Variants in NBPF8 observed in about 807,000 individuals in gnomAD.
NBPF8 encodes the protein NBPF family member NBPF8.
chr1:120,468,027 C>T (rs1459376307), downstream of NBPF8, among the ~76,000 whole-genome samples: 4 of 151,486 alleles, frequency 2.6e-5, no homozygotes, highest in Non-Finnish European at 4.4e-5. Context: ...TTAAATATTG[C>T]ACTAAAAATG....
chr1:120,415,416 G>T (rs1167781843), upstream of NBPF8, among the ~76,000 whole-genome samples: 1 of 152,042 alleles, frequency 6.6e-6, no homozygotes, highest in African/African-American at 2.4e-5. Context: ...CGTGTGTTCC[G>T]GCCCCGCCGG....
chr1:120,469,479 G>C (rs1214293264), downstream of NBPF8, among the ~76,000 whole-genome samples: 22 of 143,436 alleles, frequency 1.5e-4, no homozygotes, highest in Non-Finnish European at 2.9e-4. Context: ...CCTGGTGCTC[G>C]GTCACAGTGA....
chr1:120,435,923 A>G (rs1661061540), upstream of NBPF8, among the ~76,000 whole-genome samples: 1 of 151,378 alleles, frequency 6.6e-6, no homozygotes, highest in Admixed American at 6.6e-5. Flanking sequence ...TTTTTTATTT[A>G]TGACTTCATG....
At chr1:120,460,160 G>T (rs1190047380) in intron 17 of NBPF8, among the ~76,000 whole-genome samples, 2 of 152,114 alleles carry the variant, frequency 1.3e-5, no homozygotes, top group African/African-American at 4.8e-5. Context: ...CTCAAGAGCT[G>T]GTACATTGCA....
At chr1:120,431,388 A>AGGG (rs1660873509), upstream of NBPF8, among the ~76,000 whole-genome samples, 10 of 71,894 alleles carry the variant, frequency 1.4e-4, no homozygotes, top group African/African-American at 5.9e-4. Flanking sequence ...ATATATATAT[A>AGGG]TATATATATA....
intron 3 of NBPF8, among the ~76,000 whole-genome samples, chr1:120,429,466 C>G (rs1395916874): frequency 6.6e-5 from 10 of 152,176 alleles, no homozygotes; most frequent in Middle Eastern, 3.2e-3. Context: ...TGGATTTGCC[C>G]TCCCTGCTGT....
Position 120,464,400 on chromosome 1 carries a change from A to G in NBPF8, n.3311A>G, listed in dbSNP as rs2101701057. 5.3e-6 allele frequency: 4 copies of G among 749,534 alleles called. No homozygotes were observed. The East Asian group carries it at 1.0e-4, about 19-fold the overall frequency. 46.4% of individuals were successfully genotyped at this position (749,534 alleles called of 1,614,324 possible). A position where few individuals can be genotyped will look rare whatever the true frequency, so the allele number is the denominator to read the frequency against. ...GGCTCAGCAGGGAGCTGCTGGAGGTAGTAGAGCCTGAAGTCTTGCAGGACT... is the reference window on the plus strand; with the variant it reads ...GGCTCAGCAGGGAGCTGCTGGAGGTGGTAGAGCCTGAAGTCTTGCAGGACT... On this transcript the variant is annotated non_coding_transcript_exon_variant, in exon 23 of 25. Coordinates refer to ENST00000583271, the Ensembl canonical transcript of NBPF8.
chr1:120,433,596 T>G (rs1660971499), upstream of NBPF8: 1 of 163,548 alleles, frequency 6.1e-6, no homozygotes, highest in South Asian at 1.9e-4. Flanking sequence ...TGTGTGTATG[T>G]GAAGGAAAGG....
At chr1:120,455,177 G>C (rs1360159244) in intron 15 of NBPF8, among the ~76,000 whole-genome samples, 2 of 151,780 alleles carry the variant, frequency 1.3e-5, no homozygotes, top group African/African-American at 4.8e-5. Flanking sequence ...CTCAAGCAGG[G>C]AATATGGCAT....
intron 11 of NBPF8, among the ~76,000 whole-genome samples, chr1:120,450,157 G>C (rs1245920827): frequency 1.3e-5 from 2 of 152,140 alleles, no homozygotes; most frequent in Admixed American, 6.5e-5. Context: ...AACCCAGGAG[G>C]CTGAGGTTGC....
chr1:120,454,223 G>T (rs1217980720), intron 15 of NBPF8, 109 bp downstream of exon 13: 154 of 1,507,780 alleles, frequency 1.0e-4, no homozygotes, highest in Non-Finnish European at 1.4e-4. Context: ...ACTGTGATGG[G>T]TTTCTAAACA....
At chr1:120,463,189 G>A (rs1329134177) in intron 21 of NBPF8, among the ~76,000 whole-genome samples, 1 of 147,110 alleles carries the variant, frequency 6.8e-6, no homozygotes, top group Non-Finnish European at 1.5e-5. Flanking sequence ...CATGCCTGTG[G>A]CAACCTGAGC....
At chr1:120,428,845 T>C (rs1387395151) in intron 3 of NBPF8, among the ~76,000 whole-genome samples, 6 of 151,786 alleles carry the variant, frequency 4.0e-5, no homozygotes, top group Non-Finnish European at 7.4e-5. Flanking sequence ...ACTAACCCTT[T>C]ATAATACAAC....
At chr1:120,451,803 T>A (rs147985454) in intron 12 of NBPF8, among the ~76,000 whole-genome samples, 5 of 147,670 alleles carry the variant, frequency 3.4e-5, no homozygotes, top group South Asian at 4.5e-4. Context: ...TCACATGGAA[T>A]TGTCCATGGC....
chr1:120,452,857 G>A (rs1661323164), intron 13 of NBPF8, among the ~76,000 whole-genome samples: 1 of 152,184 alleles, frequency 6.6e-6, no homozygotes, highest in Admixed American at 6.5e-5. Context: ...GGCACTTTAT[G>A]TGGGGGCGTT....
At chr1:120,425,046 G>A (rs1260180045) in intron 1 of NBPF8, among the ~76,000 whole-genome samples, 3 of 146,122 alleles carry the variant, frequency 2.1e-5, no homozygotes, top group East Asian at 2.0e-4. Flanking sequence ...ACTACACTGC[G>A]GAAGACTGCA....
chr1:120,418,474 G>A (rs1281675463), upstream of NBPF8, among the ~76,000 whole-genome samples: 6 of 145,350 alleles, frequency 4.1e-5, no homozygotes, highest in Non-Finnish European at 6.0e-5. Flanking sequence ...CTAAATAAGC[G>A]TTAAGCCATT....
chr1:120,460,439 A>C, intron 17 of NBPF8, 134 bp from the exon 16 acceptor site: 4 of 767,406 alleles, frequency 5.2e-6, no homozygotes, highest in South Asian at 1.3e-5. Flanking sequence ...GGCCTACTGG[A>C]ATATTTCTCT....
downstream of NBPF8, among the ~76,000 whole-genome samples, chr1:120,469,510 A>G (rs1325636612): frequency 2.0e-5 from 3 of 148,018 alleles, no homozygotes; most frequent in Non-Finnish European, 4.5e-5. Context: ...TAACTATCAC[A>G]CATGCCCTTT....
Sources: allele counts gnomAD v4.1 joint callset (sites outside exome capture counted in the v4.1 genomes callset), GRCh38; gene constraint gnomAD v4.1.1; transcripts MANE v1.5; gene names NCBI Gene and HGNC (gene_info 2026-07-23, HGNC 2026-07-21).